The following ORC5 variants were observed in gnomAD, a reference collection of about 807,000 sequenced individuals.
ORC5 encodes the protein origin recognition complex subunit 5.
Under a neutral mutation model 58.8 loss-of-function variants are expected in ORC5, and 39 were observed. That is an observed-to-expected ratio of 0.66 (90% CI 0.51 to 0.87). ORC5 has a LOEUF of 0.87. Ranked by LOEUF, ORC5 falls within the 40% of genes least tolerant of loss-of-function variation. The pLI is 0.00. For missense variants in ORC5, 493 were observed against 506.3 expected (o/e 0.97, Z 0.25); for synonymous variants, 218 against 177.6 (o/e 1.23, Z -1.81).
intron 12 of ORC5, among the ~76,000 whole-genome samples, chr7:104,141,005 A>G (rs1313349061): frequency 6.6e-6 from 1 of 152,228 alleles, no homozygotes. Flanking sequence ...TAATGCCCAG[A>G]TGGTGCCAGA....
At chr7:104,165,493 T>C (rs1014506078) in intron 10 of ORC5, 20 of 375,302 alleles carry the variant, frequency 5.3e-5, no homozygotes, top group Admixed American at 4.7e-5. Flanking sequence ...AAAATTACTT[T>C]TGCATGTAAA....
intron 12 of ORC5, 52 bp downstream of exon 12, chr7:104,161,020 T>C (rs1008773582): frequency 2.0e-6 from 2 of 975,812 alleles, no homozygotes; most frequent in Non-Finnish European, 1.7e-6. Context: ...TTGACTCTAC[T>C]ATCTGAAGAA....
chr7:104,162,598 C>A (rs1423165429), intron 11 of ORC5, among the ~76,000 whole-genome samples: 1 of 152,156 alleles, frequency 6.6e-6, no homozygotes, highest in African/African-American at 2.4e-5. Flanking sequence ...GAAGTTTTTA[C>A]CTCGGCTAGA....
chr7:104,178,146 ACTGT>A (rs1406294720), intron 8 of ORC5, among the ~76,000 whole-genome samples: 1 of 152,198 alleles, frequency 6.6e-6, no homozygotes, highest in African/African-American at 2.4e-5. Flanking sequence ...GAATCACCAC[ACTGT>A]CTTTCACAAT....
intron 3 of ORC5, among the ~76,000 whole-genome samples, chr7:104,198,660 C>G (rs1799857978): frequency 6.6e-6 from 1 of 152,214 alleles, no homozygotes; most frequent in Admixed American, 6.5e-5. Flanking sequence ...TTTGGAAAAT[C>G]TGTGGCCAGA....
At chr7:104,200,323 C>T (rs1473452478) in intron 3 of ORC5, among the ~76,000 whole-genome samples, 7 of 152,144 alleles carry the variant, frequency 4.6e-5, no homozygotes, top group Non-Finnish European at 8.8e-5. Context: ...CTTTTTCTCC[C>T]GTCATACTTT....
chr7:104,161,374 G>C (rs1208358872), intron 11 of ORC5, among the ~76,000 whole-genome samples, 192 bp from the exon 12 acceptor site: 1 of 151,902 alleles, frequency 6.6e-6, no homozygotes, highest in Non-Finnish European at 1.5e-5. Context: ...TTTTAAGTTT[G>C]TTTTGTTTAG....
intron 13 of ORC5, among the ~76,000 whole-genome samples, chr7:104,130,127 G>C (rs895834018): frequency 6.0e-5 from 9 of 150,638 alleles, no homozygotes; most frequent in African/African-American, 2.0e-4. Context: ...TTATCTTATA[G>C]TGTCTTCCCA....
At chr7:104,139,118 C>A (rs1450760284) in intron 12 of ORC5, among the ~76,000 whole-genome samples, 1 of 152,200 alleles carries the variant, frequency 6.6e-6, no homozygotes, top group East Asian at 1.9e-4. Flanking sequence ...TGCTCAGTGG[C>A]AATATGAATA....
intron 12 of ORC5, among the ~76,000 whole-genome samples, chr7:104,141,596 G>GCA (rs1798673419): frequency 6.6e-6 from 1 of 152,018 alleles, no homozygotes. Flanking sequence ...CTATAAATGA[G>GCA]CACCAAAAAG....
In ORC5 at chr7:104,197,721, T is replaced by C; in HGVS notation, c.441+4A>G. On this transcript the variant is annotated splice_donor_region_variant and intron_variant, in intron 4 of 13. Coordinates refer to ENST00000297431, the MANE Select transcript of ORC5 (RefSeq NM_002553.4). ...GGGAGAAAGCACTTTCTCACATTAC[T>C]TACCAATTCTTGTAATCTAAGAAAT... is the stretch of plus-strand genomic sequence containing the variant. 6.3e-7 allele frequency: 1 copy of C among 1,587,584 alleles called. No individual in the cohort carries two copies.
chr7:104,142,665 T>C (rs1798691698), intron 12 of ORC5, among the ~76,000 whole-genome samples: 1 of 152,212 alleles, frequency 6.6e-6, no homozygotes, highest in South Asian at 2.1e-4. Flanking sequence ...AAAATTGAGA[T>C]ATGTCACACA....
Position 104,136,700 on chromosome 7 carries a change from A to T in ORC5, c.1262+81T>A. On this transcript the variant is annotated intron_variant, in intron 13 of 13. Coordinates refer to ENST00000297431, the MANE Select transcript of ORC5 (RefSeq NM_002553.4). The surrounding 1 kb of genome is among the most constrained non-coding windows in gnomAD (Gnocchi z 4.2). ...AAATAGATGATTTTTTCATGTTTAA[A>T]TGTCATGACTAATGACATCACATTT... 1.2e-6 allele frequency: 1 copy of T among 856,292 alleles called. No individual in the cohort carries two copies. Among genetic ancestry groups the T allele is most frequent in the Non-Finnish European group, 1.9e-6 (1 of 522,824 alleles). The allele number at this position is 856,292 out of a possible 1,614,324, so 53.0% of individuals were successfully genotyped here.
At chr7:104,180,169 C>G (rs116379491) in intron 8 of ORC5, among the ~76,000 whole-genome samples, 3,294 of 152,278 alleles carry the variant, frequency 0.022, 123 homozygotes, top group African/African-American at 0.075. Context: ...AGCTTGACCA[C>G]ACATTCTTCC....
intron 13 of ORC5, among the ~76,000 whole-genome samples, chr7:104,135,731 C>G (rs1283938131): frequency 6.6e-6 from 1 of 152,176 alleles, no homozygotes; most frequent in Non-Finnish European, 1.5e-5. Flanking sequence ...ATTTGCAAAT[C>G]TATACTGATA....
chr7:104,188,309 T>C lies in ORC5; in HGVS notation c.626A>G (p.Asn209Ser). Reference protein sequence around the residue: ...YSADFYAAYINILLGVFYTVC... With the variant: ...YSADFYAAYISILLGVFYTVC... ...AGTGTAGAAAACTCCAAGAAGAATGTTAATGTAGGCAGCATAGAAATCAGC... is the reference window on the plus strand; with the variant it reads ...AGTGTAGAAAACTCCAAGAAGAATGCTAATGTAGGCAGCATAGAAATCAGC... The change falls in exon 6 of 14, where the codon AAC becomes AGC. Residue 209 changes from asparagine (N) to serine (S), a missense_variant. Physicochemically the swap from Asn to Ser is conservative, Grantham distance 46. This residue lies in a region of ORC5 where 412 missense variants were observed against 403.7 expected (regional missense o/e 1.02). Coordinates refer to ENST00000297431, the MANE Select transcript of ORC5 (RefSeq NM_002553.4). 1 of 1,613,070 alleles carries C rather than the reference T, an allele frequency of 6.2e-7. No homozygotes were observed. Among genetic ancestry groups the C allele is most frequent in the Non-Finnish European group, 8.5e-7 (1 of 1,179,334 alleles).
At chr7:104,128,003 C>A (rs536455108) in intron 13 of ORC5, among the ~76,000 whole-genome samples, 5 of 152,254 alleles carry the variant, frequency 3.3e-5, no homozygotes, top group South Asian at 2.1e-4. Context: ...TAAAAAAAAT[C>A]TTTTGCATAA....
At position 104,129,919 on chromosome 7, in the gene ORC5, T is replaced by G. The variant is rs1457980045; in HGVS notation, c.1263-3026A>C. Among the ~76,000 whole-genome samples the G allele has an allele frequency of 3.3e-5, 5 of 152,222 alleles. No homozygotes were observed. Among genetic ancestry groups the G allele is most frequent in the African/African-American group, 1.2e-4 (5 of 41,464 alleles). ...TTAGAATACGTTAATACAACTTAAT[T>G]ATATGGCATATATTTAAGGATTTAA... is the stretch of plus-strand genomic sequence containing the variant. On this transcript the variant is annotated intron_variant, in intron 13 of 13. Transcript: ENST00000297431. The surrounding 1 kb of genome is among the most constrained non-coding windows in gnomAD (Gnocchi z 4.9).
At chr7:104,174,006 G>A (rs1357812673) in intron 8 of ORC5, among the ~76,000 whole-genome samples, 5 of 151,040 alleles carry the variant, frequency 3.3e-5, no homozygotes, top group African/African-American at 9.7e-5. Flanking sequence ...CACTACGCCC[G>A]GCTAATTTTT....
Sources: gnomAD v4.1 joint callset for allele counts (sites outside exome capture counted in the v4.1 genomes callset) on GRCh38, gnomAD v4.1.1 for gene constraint, gnomAD v4.1.1 regional missense constraint, Gnocchi (gnomAD v3.1) non-coding constraint, MANE v1.5 for transcripts, NCBI Gene and HGNC (gene_info 2026-07-23, HGNC 2026-07-21) for gene names.